Variants in RIMS3 observed in about 807,000 individuals in gnomAD.
RIMS3 encodes the protein regulating synaptic membrane exocytosis 3.
RIMS3 carries 15 observed loss-of-function variants against 29.2 expected under a neutral mutation model. The ratio of observed to expected loss-of-function variants is 0.51; its 90% CI spans 0.34 to 0.79. The LOEUF (loss-of-function observed/expected upper bound fraction) is 0.79, where lower values mean the gene tolerates loss of function less well. Ranked by LOEUF, RIMS3 falls within the 30% of genes least tolerant of loss-of-function variation. The probability of loss-of-function intolerance (pLI) is 0.01; values close to 1 mark genes in which losing one functional copy is unlikely to be tolerated. For synonymous variants in RIMS3, 161 were observed against 170.1 expected (o/e 0.95, Z 0.41); for missense variants, 342 against 421.4 (o/e 0.81, Z 1.65).
intron 3 of RIMS3, among the ~76,000 whole-genome samples, chr1:40,639,216 C>T (rs1646540486): frequency 6.6e-6 from 1 of 152,200 alleles, no homozygotes; most frequent in South Asian, 2.1e-4. Context: ...GGGAATGGAG[C>T]CATCTCATCT....
intron 1 of RIMS3, among the ~76,000 whole-genome samples, chr1:40,664,429 C>T (rs1230636547): frequency 2.6e-5 from 4 of 152,174 alleles, no homozygotes; most frequent in East Asian, 1.9e-4. Flanking sequence ...AGGCCCCAAA[C>T]CCAAGGAACC....
At chr1:40,633,758 T>G (rs947912874) in intron 4 of RIMS3, among the ~76,000 whole-genome samples, 1 of 152,212 alleles carries the variant, frequency 6.6e-6, no homozygotes, top group African/African-American at 2.4e-5. Context: ...TGACAGTGAT[T>G]GACAACTGGC....
intron 7 of RIMS3, among the ~76,000 whole-genome samples, chr1:40,628,100 C>T (rs1646466297): frequency 6.6e-6 from 1 of 152,178 alleles, no homozygotes; most frequent in Non-Finnish European, 1.5e-5. Flanking sequence ...GTTTATGTGG[C>T]AGGCCCTATG....
At chr1:40,692,001 C>T in the RIMS3 span, 2 of 274,542 alleles carry the variant, frequency 7.3e-6, no homozygotes, top group African/African-American at 2.4e-5. Context: ...CCGTCCTGCC[C>T]GCCGCCATGT....
chr1:40,628,495 A>T (rs1646468725), intron 7 of RIMS3, among the ~76,000 whole-genome samples: 1 of 152,228 alleles, frequency 6.6e-6, no homozygotes, highest in African/African-American at 2.4e-5. Context: ...AAAGCACCTA[A>T]CACAAGGCTT....
rs771735174 is a variant in RIMS3 at position 40,633,161 on chromosome 1, C to T, written c.380G>A (p.Arg127Gln). The T allele has an allele frequency of 2.7e-5, 44 of 1,613,950 alleles. No homozygotes were observed. The South Asian group carries it at 4.0e-4, about 14-fold the overall frequency. The change falls in exon 5 of 8, where the codon CGG becomes CAG. Residue 127 changes from arginine (R) to glutamine (Q), a missense_variant. By Grantham distance (43) the Arg-to-Gln change is conservative. Transcript: ENST00000372684. The stretch of plus-strand genomic sequence containing the variant: ...GCTGAACTGGCTTTCAGCCCCTAGC[C>T]GGGTAGTGGGGAAGATGAACCTGCA... The part of the protein sequence containing the change: ...SDGTFIFPTT[R>Q]LGAESQFSDF...
chr1:40,671,035 G>A, the RIMS3 span, among the ~76,000 whole-genome samples: 1 of 152,176 alleles, frequency 6.6e-6, no homozygotes, highest in African/African-American at 2.4e-5. Context: ...AAACTAATGA[G>A]ACTTTTGCAG....
the RIMS3 span, chr1:40,691,942 C>T: frequency 3.0e-6 from 1 of 331,202 alleles, no homozygotes; most frequent in Non-Finnish European, 6.0e-6. Context: ...GCGCTTCCCG[C>T]CTTCGCCAGA....
At chr1:40,684,456 G>C in the RIMS3 span, among the ~76,000 whole-genome samples, 2 of 152,160 alleles carry the variant, frequency 1.3e-5, no homozygotes, top group Non-Finnish European at 2.9e-5. Flanking sequence ...AGCTTAGTTT[G>C]GGTGATGTGC....
chr1:40,644,707 T>C (rs900446182), intron 2 of RIMS3, among the ~76,000 whole-genome samples: 1 of 152,186 alleles, frequency 6.6e-6, no homozygotes, highest in Non-Finnish European at 1.5e-5. Context: ...CAGTATCCTC[T>C]GCTCAGGAAG....
upstream of RIMS3, among the ~76,000 whole-genome samples, chr1:40,666,500 C>G (rs1371495450): frequency 3.2e-4 from 49 of 152,150 alleles, 1 homozygote; most frequent in Admixed American, 3.2e-3. Flanking sequence ...ATATAAACTT[C>G]CAAATAGACT....
rs113217496 is a variant in RIMS3 at position 40,642,022 on chromosome 1, A to C, written c.-31-66T>G. The C allele has an allele frequency of 1.6e-3, 1,625 of 1,017,692 alleles. 27 individuals carry two copies. The African/African-American group carries it at 0.023, about 15-fold the overall frequency. 63.0% of individuals were successfully genotyped at this position (1,017,692 alleles called of 1,614,324 possible). On this transcript the variant is annotated intron_variant, in intron 2 of 7. Transcript: ENST00000372684. Reference sequence around the variant, plus strand: ...TGGATGAATCTACTGCAGTCCCACCACTTCCTAGCTGCGTGACCTTGGGCT... The same window carrying C: ...TGGATGAATCTACTGCAGTCCCACCCCTTCCTAGCTGCGTGACCTTGGGCT...
intron 1 of RIMS3, among the ~76,000 whole-genome samples, chr1:40,663,588 C>G (rs573767050): frequency 1.2e-4 from 19 of 152,342 alleles, no homozygotes; most frequent in Non-Finnish European, 2.6e-4. Flanking sequence ...AGACCCCTGA[C>G]AGACCCCACA....
intron 1 of RIMS3, among the ~76,000 whole-genome samples, chr1:40,650,623 A>AG (rs1193354397): frequency 6.6e-6 from 1 of 151,982 alleles, no homozygotes; most frequent in Non-Finnish European, 1.5e-5. Flanking sequence ...GCACTTAGGG[A>AG]GGCCAAGGCA....
the RIMS3 span, among the ~76,000 whole-genome samples, chr1:40,677,773 C>A: frequency 1.3e-5 from 2 of 151,966 alleles, no homozygotes; most frequent in Non-Finnish European, 2.9e-5. Flanking sequence ...TTTCTCAAGA[C>A]CTGCCCAACC....
At chr1:40,639,755 C>A (rs1039282690) in intron 3 of RIMS3, among the ~76,000 whole-genome samples, 1 of 152,080 alleles carries the variant, frequency 6.6e-6, no homozygotes, top group East Asian at 1.9e-4. Context: ...GATGCCTCAT[C>A]AATAAAATAA....
the RIMS3 span, among the ~76,000 whole-genome samples, chr1:40,687,786 T>G: frequency 2.0e-5 from 3 of 152,088 alleles, no homozygotes; most frequent in African/African-American, 4.8e-5. Flanking sequence ...ATCCCTCGCT[T>G]CTTCTATTTG....
At chr1:40,650,863 CAAAAAAAA>C (rs58578342) in intron 1 of RIMS3, among the ~76,000 whole-genome samples, 1,750 of 64,504 alleles carry the variant, frequency 0.027, 36 homozygotes, top group Middle Eastern at 0.036. Flanking sequence ...CAGACTCTGT[CAAAAAAAA>C]AAAAAAAAAA....
rs1483012526 is a variant in RIMS3, at chr1:40,665,580, TCACGGGGGCATCGCCCGCCAC to T, written c.-414_-394del. The stretch of plus-strand genomic sequence containing the variant: ...GGCGGGGAGGGGCGGCGAGGGAGGC[TCACGGGGGCATCGCCCGCCAC>T]CACGGGGGCAGCTCCGCTCCGCCCG... On this transcript the variant is annotated 5_prime_UTR_variant, in exon 1 of 8. It removes an upstream start codon present in the reference 5' UTR. Coordinates refer to ENST00000372684, the MANE Select transcript of RIMS3 (RefSeq NM_014747.3). 6.6e-6 allele frequency: 1 copy of T among 152,020 alleles called. No homozygotes were observed. The highest frequency in any genetic ancestry group is 1.5e-5 in the Non-Finnish European group (1 of 67,976). 9.4% of individuals were successfully genotyped at this position (152,020 alleles called of 1,614,324 possible).
Sources: allele counts gnomAD v4.1 joint callset (sites outside exome capture counted in the v4.1 genomes callset), GRCh38; gene constraint gnomAD v4.1.1; transcripts MANE v1.5; gene names NCBI Gene and HGNC (gene_info 2026-07-23, HGNC 2026-07-21).